THRB: variants seen among roughly 807,000 people sequenced by gnomAD.
The protein encoded by THRB is nuclear receptor subfamily 1 group A member 2.
A neutral mutation model predicts 47.8 loss-of-function variants in THRB; 12 were observed. The observed-to-expected ratio is 0.25, with a 90% CI of 0.16 to 0.41. THRB has a LOEUF of 0.41. THRB is among the 10% of genes least tolerant of loss of function. The pLI, the probability that THRB is intolerant of heterozygous loss-of-function variation, is 1.00. For missense variants in THRB, 348 were observed against 589.2 expected (o/e 0.59, Z 4.24); for synonymous variants, 218 against 212.2 (o/e 1.03, Z -0.24).
chr3:24,466,156 C>T (rs574838920), intron 1 of THRB, among the ~76,000 whole-genome samples: 92 of 152,206 alleles, frequency 6.0e-4, no homozygotes, highest in South Asian at 5.4e-3. Context: ...TAAATGACTT[C>T]CTTCTTTCTA....
intron 4 of THRB, among the ~76,000 whole-genome samples, chr3:24,221,640 T>A (rs1264430093): frequency 6.6e-6 from 1 of 152,186 alleles, no homozygotes. Flanking sequence ...CAGGGGTTGC[T>A]GAGAAAGAAT....
chr3:24,233,731 G>T (rs560834297), intron 3 of THRB, among the ~76,000 whole-genome samples: 1 of 152,290 alleles, frequency 6.6e-6, no homozygotes, highest in Admixed American at 6.5e-5. Context: ...AACATTGAAG[G>T]AAACCTAGAA....
At chr3:24,308,745 T>A (rs1419000456) in intron 2 of THRB, among the ~76,000 whole-genome samples, 1 of 152,196 alleles carries the variant, frequency 6.6e-6, no homozygotes, top group Non-Finnish European at 1.5e-5. Flanking sequence ...CAATGAATAT[T>A]TGCTCAATTT....
At chr3:24,289,476 G>A (rs2055696960) in intron 3 of THRB, among the ~76,000 whole-genome samples, 2 of 152,112 alleles carry the variant, frequency 1.3e-5, no homozygotes, top group African/African-American at 4.8e-5. Flanking sequence ...TAAATAGCAA[G>A]TTCATCAGTG....
intron 1 of THRB, among the ~76,000 whole-genome samples, chr3:24,489,175 G>C (rs1176451066): frequency 6.6e-6 from 1 of 151,936 alleles, no homozygotes; most frequent in African/African-American, 2.4e-5. Context: ...CTAGGAGGTG[G>C]AGGTTGCAGT....
intron 6 of THRB, among the ~76,000 whole-genome samples, chr3:24,148,632 T>C (rs888109310): frequency 9.2e-5 from 14 of 152,212 alleles, no homozygotes; most frequent in African/African-American, 3.1e-4. Flanking sequence ...AGATAAATGG[T>C]GGGAAATATC....
intron 3 of THRB, among the ~76,000 whole-genome samples, chr3:24,282,729 G>T (rs574707967): frequency 6.7e-6 from 1 of 149,054 alleles, no homozygotes; most frequent in Non-Finnish European, 1.5e-5. Flanking sequence ...TCAAATAGAC[G>T]CAATAAAAAA....
intron 2 of THRB, among the ~76,000 whole-genome samples, chr3:24,333,247 G>A (rs1263889140): frequency 2.0e-5 from 3 of 152,084 alleles, no homozygotes; most frequent in African/African-American, 7.2e-5. Flanking sequence ...TTTAACAATT[G>A]ACATTTTACC....
At chr3:24,314,371 A>C (rs1342023640) in intron 2 of THRB, among the ~76,000 whole-genome samples, 1 of 152,224 alleles carries the variant, frequency 6.6e-6, no homozygotes, top group Non-Finnish European at 1.5e-5. Context: ...CCTTAAATCA[A>C]GCCAAATCCT....
chr3:24,417,759 C>T (rs1169306018), intron 1 of THRB, among the ~76,000 whole-genome samples: 3 of 151,914 alleles, frequency 2.0e-5, no homozygotes, highest in African/African-American at 7.2e-5. Context: ...GAGAGCTTGT[C>T]GCATGCCAGC....
chr3:24,189,458 G>A (rs1283199838), intron 5 of THRB, among the ~76,000 whole-genome samples: 23 of 152,174 alleles, frequency 1.5e-4, no homozygotes, highest in Admixed American at 1.4e-3. Flanking sequence ...TGTCAGGGTG[G>A]AGGCGACCTG....
intron 4 of THRB, among the ~76,000 whole-genome samples, chr3:24,200,157 C>A (rs530817152): frequency 6.6e-6 from 1 of 152,126 alleles, no homozygotes; most frequent in South Asian, 2.1e-4. Flanking sequence ...CACAAATGCA[C>A]ATAAAAGGGA....
intron 2 of THRB, among the ~76,000 whole-genome samples, chr3:24,335,117 G>A (rs1216074282): frequency 6.6e-6 from 1 of 152,134 alleles, no homozygotes; most frequent in Non-Finnish European, 1.5e-5. Flanking sequence ...GCTTCTCAGA[G>A]CCCTAAAAGC....
chr3:24,352,842 A>G (rs1412161812), intron 1 of THRB, among the ~76,000 whole-genome samples: 1 of 152,190 alleles, frequency 6.6e-6, no homozygotes, highest in Non-Finnish European at 1.5e-5. Flanking sequence ...AAGAATGAAT[A>G]TTCAATTTCT....
intron 3 of THRB, among the ~76,000 whole-genome samples, chr3:24,294,786 G>T (rs544481268): frequency 6.6e-6 from 1 of 152,160 alleles, no homozygotes; most frequent in African/African-American, 2.4e-5. Flanking sequence ...GTCATTTTGG[G>T]TCTAGAATTC....
At chr3:24,142,157 T>C (rs941640842) in intron 8 of THRB, among the ~76,000 whole-genome samples, 1 of 152,184 alleles carries the variant, frequency 6.6e-6, no homozygotes, top group African/African-American at 2.4e-5. Flanking sequence ...TGTTTACCAG[T>C]TGTGGGAGCT....
At position 24,190,221 on chromosome 3, in the gene THRB, G is replaced by C. The variant is rs754933969; in HGVS notation, c.136C>G (p.Arg46Gly). The C allele has an allele frequency of 6.2e-7, 1 of 1,613,944 alleles. No homozygotes were observed. Among genetic ancestry groups the C allele is most frequent in the Admixed American group, 1.7e-5 (1 of 59,974 alleles). The change falls in exon 5 of 11, where the codon CGC becomes GGC. Residue 46 changes from arginine (R) to glycine (G), a missense_variant. Physicochemically the swap from Arg to Gly is moderately radical, Grantham distance 125. This residue lies in a region of THRB where 148 missense variants were observed against 122.3 expected (regional missense o/e 1.21). Transcript: ENST00000646209. The part of the protein sequence containing the change: ...CLHRKSHSER[R>G]STLKNEQSSP... ...GACTGTTCATTTTTCAACGTGCTGCGCCTCTCTGAATGGCTCTTCCTATGT... is the reference window on the plus strand; with the variant it reads ...GACTGTTCATTTTTCAACGTGCTGCCCCTCTCTGAATGGCTCTTCCTATGT...
intron 3 of THRB, among the ~76,000 whole-genome samples, chr3:24,231,182 CTGAT>C (rs2048225610): frequency 6.6e-6 from 1 of 152,218 alleles, no homozygotes; most frequent in Admixed American, 6.5e-5. Context: ...AGAATCCTGA[CTGAT>C]AATATTAAAA....
chr3:24,315,634 A>G (rs1276374494), intron 2 of THRB, among the ~76,000 whole-genome samples: 1 of 152,162 alleles, frequency 6.6e-6, no homozygotes, highest in African/African-American at 2.4e-5. Flanking sequence ...CTAAACCCCT[A>G]GTGAAATGAG....
Sources: gnomAD v4.1 joint callset for allele counts (sites outside exome capture counted in the v4.1 genomes callset) on GRCh38, gnomAD v4.1.1 for gene constraint, gnomAD v4.1.1 regional missense constraint, MANE v1.5 for transcripts, NCBI Gene and HGNC (gene_info 2026-07-23, HGNC 2026-07-21) for gene names.